Variants in SDK2 observed in about 807,000 individuals in gnomAD.
The protein encoded by SDK2 is protein sidekick-2.
SDK2 carries 105 observed loss-of-function variants against 253.9 expected under a neutral mutation model. That is an observed-to-expected ratio of 0.41 (90% confidence interval 0.35 to 0.49). The LOEUF is 0.49. SDK2 is among the 20% of genes least tolerant of loss of function. SDK2 has a pLI of 0.06. For missense variants in SDK2, 2,608 were observed against 3,003.0 expected, an observed-to-expected ratio of 0.87 and a Z score of 3.07; for synonymous variants, 1,249 against 1,234.9, an observed-to-expected ratio of 1.01 and a Z score of -0.24.
chr17:73,633,273 C>T (rs900115880), intron 1 of SDK2, among the ~76,000 whole-genome samples: 8 of 151,748 alleles, frequency 5.3e-5, no homozygotes, highest in Admixed American at 1.3e-4. Flanking sequence ...TGACAGAGAC[C>T]GACATCTCAA....
chr17:73,596,091 T>C (rs2045754368), intron 1 of SDK2, among the ~76,000 whole-genome samples: 2 of 152,292 alleles, frequency 1.3e-5, no homozygotes, highest in South Asian at 4.1e-4. Context: ...ACGTTTGGGC[T>C]GTCCTGGGCA....
intron 4 of SDK2, among the ~76,000 whole-genome samples, chr17:73,454,734 G>C (rs2063511688): frequency 6.6e-6 from 1 of 152,122 alleles, no homozygotes; most frequent in African/African-American, 2.4e-5. Flanking sequence ...GTCTGGTTTT[G>C]TCTGGAGGCT....
At chr17:73,552,976 T>A (rs753665490) in intron 1 of SDK2, among the ~76,000 whole-genome samples, 53 of 152,194 alleles carry the variant, frequency 3.5e-4, no homozygotes, top group Non-Finnish European at 6.3e-4. Context: ...GGGTTCTGGG[T>A]TCCTCGAGCA....
intron 2 of SDK2, among the ~76,000 whole-genome samples, chr17:73,478,320 G>C (rs2063699868): frequency 6.6e-6 from 1 of 152,144 alleles, no homozygotes; most frequent in Non-Finnish European, 1.5e-5. Context: ...CAGCTGCAGA[G>C]TATTGAGGAA....
intron 2 of SDK2, among the ~76,000 whole-genome samples, chr17:73,493,165 C>T (rs2063818959): frequency 1.3e-5 from 2 of 152,144 alleles, no homozygotes; most frequent in South Asian, 4.1e-4. Flanking sequence ...ACATGGCCTG[C>T]ACCCATGTCT....
intron 1 of SDK2, among the ~76,000 whole-genome samples, chr17:73,527,970 T>G (rs2064139480): frequency 6.6e-6 from 1 of 151,528 alleles, no homozygotes; most frequent in African/African-American, 2.4e-5. Context: ...AGAAGACCTG[T>G]GTTAGATTGG....
intron 40 of SDK2, among the ~76,000 whole-genome samples, chr17:73,356,317 G>T (rs568208157): frequency 6.6e-6 from 1 of 152,320 alleles, no homozygotes; most frequent in East Asian, 1.9e-4. Context: ...GGGACAAAGG[G>T]TGGGGCTGAG....
At position 73,575,762 on chromosome 17, in the gene SDK2, C is replaced by T. The variant is rs116888724; in HGVS notation, c.65-68165G>A. On this transcript the variant is annotated intron_variant, in intron 1 of 44. Coordinates refer to ENST00000392650, the MANE Select transcript of SDK2 (RefSeq NM_001144952.2). ...TTTGTGCTCAAGGAGCTCAGCTTAG[C>T]GTGGGAGACAGAGCATACACAGACA... Among the ~76,000 whole-genome samples, 685 of 152,288 alleles carry T rather than the reference C, an allele frequency of 4.5e-3. 1 individual carries two copies. Among genetic ancestry groups the T allele is most frequent in the African/African-American group, 0.015 (629 of 41,564 alleles).
intron 1 of SDK2, among the ~76,000 whole-genome samples, chr17:73,559,409 C>T (rs960290872): frequency 3.3e-5 from 5 of 152,184 alleles, no homozygotes; most frequent in African/African-American, 7.2e-5. Flanking sequence ...ATGGAATAGA[C>T]GATATAACAA....
chr17:73,411,824 T>C (rs1373591020), intron 18 of SDK2, among the ~76,000 whole-genome samples: 1 of 146,606 alleles, frequency 6.8e-6, no homozygotes, highest in Admixed American at 7.0e-5. Flanking sequence ...CTCGCTGGAG[T>C]GTAGTGGCAG....
At chr17:73,608,185 A>G (rs61252237) in intron 1 of SDK2, among the ~76,000 whole-genome samples, 20,248 of 151,922 alleles carry the variant, frequency 0.13, 1,590 homozygotes, top group South Asian at 0.26. Flanking sequence ...CTGGTGTTGG[A>G]CGACCTCAAC....
intron 5 of SDK2, among the ~76,000 whole-genome samples, chr17:73,442,630 C>T (rs763132564): frequency 9.2e-5 from 14 of 152,132 alleles, no homozygotes; most frequent in Non-Finnish European, 1.8e-4. Context: ...TGTGAGCCAC[C>T]ACGCCTGGCC....
chr17:73,582,315 G>A (rs111619109), intron 1 of SDK2, among the ~76,000 whole-genome samples: 17,876 of 121,800 alleles, frequency 0.15, 3,067 homozygotes, highest in African/African-American at 0.24. Flanking sequence ...ATTTGGGGGC[G>A]CACACCACGC....
At position 73,402,077 on chromosome 17, in the gene SDK2, TGAAAGTTA is replaced by T; in HGVS notation, c.2541_2548del (p.Asn848ArgfsTer42). On this transcript the variant is annotated frameshift_variant, in exon 19 of 45. Coordinates refer to ENST00000392650, the MANE Select transcript of SDK2 (RefSeq NM_001144952.2). LOFTEE classifies it high-confidence loss of function. The stretch of plus-strand genomic sequence containing the variant: ...CACGAAGCCCACGTGGATGCTGTCT[TGAAAGTTA>T]GGCCGGGCGGTCACCATGGTAACCT... 6.2e-7 allele frequency: 1 copy of T among 1,613,994 alleles called. No homozygotes were observed. Among genetic ancestry groups the T allele is most frequent in the Non-Finnish European group, 8.5e-7 (1 of 1,179,876 alleles).
intron 36 of SDK2, among the ~76,000 whole-genome samples, chr17:73,369,925 C>T (rs764300427): frequency 1.3e-5 from 2 of 152,104 alleles, no homozygotes; most frequent in Admixed American, 6.6e-5. Context: ...GTTACAGGCG[C>T]GAACCACCAA....
chr17:73,593,871 G>A (rs561458415), intron 1 of SDK2, among the ~76,000 whole-genome samples: 9 of 152,256 alleles, frequency 5.9e-5, no homozygotes, highest in Middle Eastern at 3.4e-3. Context: ...CTCACTGTCC[G>A]TCCTTCTTTG....
At position 73,534,354 on chromosome 17, in the gene SDK2, G is replaced by A. The variant is rs112783491; in HGVS notation, c.65-26757C>T. 1.3e-3 allele frequency among the ~76,000 whole-genome samples: 201 copies of A among 152,320 alleles called. 1 individual carries two copies. The highest frequency in any genetic ancestry group is 3.4e-3 in the Middle Eastern group (1 of 294). ...ACAGCTGTCCATGATTCTGAGGAAG[G>A]TGGCACTGGGCAAGGCAGGGACCAG... On this transcript the variant is annotated intron_variant, in intron 1 of 44. Coordinates refer to ENST00000392650, the MANE Select transcript of SDK2 (RefSeq NM_001144952.2). This position sits in a 1 kb window ranked among gnomAD's most constrained non-coding sequence, Gnocchi z 4.9.
Position 73,440,913 on chromosome 17 carries a change from C to T in SDK2, c.624G>A (p.Gly208=), listed in dbSNP as rs780147488. 11 of 1,548,952 alleles carry T rather than the reference C, an allele frequency of 7.1e-6. No homozygotes were observed. The South Asian group carries it at 9.5e-5, about 13-fold the overall frequency. The change falls in exon 6 of 45, where the codon GGG becomes GGA. Residue 208 remains glycine (G), a synonymous_variant. Coordinates refer to ENST00000392650, the MANE Select transcript of SDK2 (RefSeq NM_001144952.2). ...PITLTVENVG[G]PADPIAPTII... ...TGGTGGGTGCGATGGGGTCTGCAGG[C>T]CCCCCTACATCTGGAGAGAGATCAG...
chr17:73,526,950 G>T (rs1486954176), intron 1 of SDK2, among the ~76,000 whole-genome samples: 1 of 152,200 alleles, frequency 6.6e-6, no homozygotes, highest in Admixed American at 6.5e-5. Flanking sequence ...CCAGTTATAG[G>T]CCCTGGCAAC....
Sources: allele counts gnomAD v4.1 joint callset (sites outside exome capture counted in the v4.1 genomes callset), GRCh38; gene constraint gnomAD v4.1.1; non-coding constraint Gnocchi (gnomAD v3.1); transcripts MANE v1.5; gene names NCBI Gene and HGNC (gene_info 2026-07-23, HGNC 2026-07-21).